Variants in DTNA observed in about 807,000 individuals in gnomAD.
DTNA encodes dystrophin-related protein 3.
A neutral mutation model predicts 100.7 loss-of-function variants in DTNA; 43 were observed. The observed-to-expected ratio is 0.43, with a 90% CI of 0.33 to 0.55. The LOEUF (loss-of-function observed/expected upper bound fraction) is 0.55, where lower values mean the gene tolerates loss of function less well. DTNA is among the 20% of genes least tolerant of loss of function. The probability of loss-of-function intolerance (pLI) is 0.04; values close to 1 mark genes in which losing one functional copy is unlikely to be tolerated. For missense variants in DTNA, 798 were observed against 953.9 expected, an observed-to-expected ratio of 0.84 and a Z score of 2.15; for synonymous variants, 349 against 347.9, an observed-to-expected ratio of 1.00 and a Z score of -0.04.
intron 17 of DTNA, 146 bp from the exon 18 acceptor site, chr18:34,875,093 C>CT: frequency 1.2e-5 from 14 of 1,215,328 alleles, no homozygotes; most frequent in African/African-American, 3.0e-5. Flanking sequence ...TGCAAATTAG[C>CT]TTTAGGATTA....
intron 1 of DTNA, among the ~76,000 whole-genome samples, chr18:34,683,931 C>G (rs2078487342): frequency 6.6e-6 from 1 of 151,588 alleles, no homozygotes; most frequent in Non-Finnish European, 1.5e-5. Flanking sequence ...AGGAAGAGAC[C>G]CCTGAAACAA....
chr18:34,527,260 A>G (rs1335958023), intron 1 of DTNA, among the ~76,000 whole-genome samples: 1 of 152,012 alleles, frequency 6.6e-6, no homozygotes, highest in Non-Finnish European at 1.5e-5. Flanking sequence ...TAGAGCTCAA[A>G]AGGTAATTTA....
intron 1 of DTNA, among the ~76,000 whole-genome samples, chr18:34,516,575 C>G (rs1033865635): frequency 6.6e-6 from 1 of 152,124 alleles, no homozygotes; most frequent in South Asian, 2.1e-4. Flanking sequence ...AAGACAGACA[C>G]TCCCAGAGCG....
chr18:34,734,110 C>T (rs181214122), intron 1 of DTNA, among the ~76,000 whole-genome samples: 1 of 152,280 alleles, frequency 6.6e-6, no homozygotes, highest in Non-Finnish European at 1.5e-5. Flanking sequence ...TCAACCTCAC[C>T]TCTAGGGGCT....
intron 6 of DTNA, 140 bp downstream of exon 6, chr18:34,812,253 A>G: frequency 8.2e-7 from 1 of 1,217,278 alleles, no homozygotes; most frequent in Middle Eastern, 2.7e-4. Flanking sequence ...GCCTCTGGCA[A>G]ATGACCTCTG....
intron 17 of DTNA, chr18:34,868,558 A>G: frequency 1.0e-6 from 1 of 985,440 alleles, no homozygotes. Context: ...GTAAAACCAA[A>G]CTTAGAACAC....
At chr18:34,823,723 A>G (rs561946485) in intron 9 of DTNA, among the ~76,000 whole-genome samples, 1 of 152,344 alleles carries the variant, frequency 6.6e-6, no homozygotes, top group African/African-American at 2.4e-5. Flanking sequence ...TAATTTATTA[A>G]GCAATCTTTA....
intron 1 of DTNA, among the ~76,000 whole-genome samples, chr18:34,633,001 T>C (rs944122284): frequency 3.9e-5 from 6 of 152,196 alleles, no homozygotes; most frequent in African/African-American, 1.4e-4. Context: ...AAAAAAATTC[T>C]GAAAGTTAGT....
chr18:34,722,606 T>TACAC (rs71166022), intron 1 of DTNA, among the ~76,000 whole-genome samples: 55 of 147,224 alleles, frequency 3.7e-4, no homozygotes, highest in African/African-American at 7.7e-4. Context: ...TATATATACA[T>TACAC]ACACACACAC....
intron 1 of DTNA, among the ~76,000 whole-genome samples, chr18:34,729,528 G>A (rs375666461): frequency 6.6e-5 from 10 of 152,178 alleles, no homozygotes; most frequent in Non-Finnish European, 1.0e-4. Flanking sequence ...AGAACAGGAC[G>A]TCTGAGTGTG....
intron 1 of DTNA, among the ~76,000 whole-genome samples, chr18:34,747,369 G>T (rs1386182111): frequency 1.3e-5 from 2 of 151,738 alleles, no homozygotes; most frequent in Non-Finnish European, 2.9e-5. Flanking sequence ...AATAGTTTTG[G>T]GGGCTATAGG....
chr18:34,496,238 A>ACACACACG (rs1568534343), intron 1 of DTNA, among the ~76,000 whole-genome samples: 1 of 151,770 alleles, frequency 6.6e-6, no homozygotes, highest in East Asian at 1.9e-4. Flanking sequence ...ACACACACAC[A>ACACACACG]CACACACCAG....
chr18:34,846,151 T>C (rs1268552205), intron 13 of DTNA, among the ~76,000 whole-genome samples: 1 of 152,144 alleles, frequency 6.6e-6, no homozygotes, highest in Non-Finnish European at 1.5e-5. Flanking sequence ...TTGTTAGAAA[T>C]GCATCTTCTC....
At chr18:34,869,736 C>CT (rs2096744826) in intron 17 of DTNA, among the ~76,000 whole-genome samples, 7 of 152,136 alleles carry the variant, frequency 4.6e-5, no homozygotes, top group African/African-American at 7.2e-5. Flanking sequence ...AAGGATAAAA[C>CT]TAAGGCCGTG....
chr18:34,828,520 G>T (rs2095915584), intron 10 of DTNA, among the ~76,000 whole-genome samples: 2 of 152,150 alleles, frequency 1.3e-5, no homozygotes, highest in Admixed American at 1.3e-4. Context: ...CCCTGAAGAG[G>T]TTTATAAGGT....
intron 1 of DTNA, among the ~76,000 whole-genome samples, chr18:34,681,090 T>TTC (rs1176256642): frequency 3.3e-5 from 5 of 152,180 alleles, no homozygotes; most frequent in African/African-American, 4.8e-5. Flanking sequence ...TTCAATTTGA[T>TTC]CCACCATTCC....
intron 1 of DTNA, among the ~76,000 whole-genome samples, chr18:34,606,932 A>G (rs1279512461): frequency 1.3e-5 from 2 of 152,170 alleles, no homozygotes; most frequent in Non-Finnish European, 2.9e-5. Flanking sequence ...TTTGGTCTCT[A>G]TTCCTTGGAG....
intron 9 of DTNA, chr18:34,822,356 G>T (rs1602679299): frequency 6.6e-6 from 1 of 152,236 alleles, no homozygotes; most frequent in South Asian, 2.1e-4. Context: ...CGAAGTGAGA[G>T]CAGCCAGTGC....
At chr18:34,848,224 C>T in intron 13 of DTNA, 72 bp from the exon 14 acceptor site, 1 of 1,461,026 alleles carries the variant, frequency 6.8e-7, no homozygotes, top group Non-Finnish European at 9.6e-7. Flanking sequence ...AGTAAAAACT[C>T]CTTGTGGTAA....
Sources: allele counts gnomAD v4.1 joint callset (sites outside exome capture counted in the v4.1 genomes callset), GRCh38; gene constraint gnomAD v4.1.1; transcripts MANE v1.5; gene names NCBI Gene and HGNC (gene_info 2026-07-23, HGNC 2026-07-21).